Variants in R3HDM4 observed in about 807,000 individuals in gnomAD.
R3HDM4 encodes R3H domain-containing protein 4.
A neutral mutation model predicts 31.3 loss-of-function variants in R3HDM4; 30 were observed. The observed-to-expected ratio is 0.96, with a 90% CI of 0.72 to 1.30. R3HDM4 has a LOEUF of 1.30. Among genes scored for constraint, R3HDM4 ranks in the 50% most tolerant of loss-of-function variants. The pLI is 0.00. For synonymous variants in R3HDM4, 196 were observed against 156.6 expected (o/e 1.25, Z -1.88); for missense variants, 444 against 366.1 (o/e 1.21, Z -1.74).
In R3HDM4 at chr19:899,227, C is replaced by T. The variant is rs944724466; in HGVS notation, c.703+213G>A. 8.5e-5 allele frequency among the ~76,000 whole-genome samples: 13 copies of T among 152,108 alleles called. No homozygotes were observed. The highest frequency in any genetic ancestry group is 1.6e-4 in the Non-Finnish European group (11 of 68,018). On this transcript the variant is annotated intron_variant, in intron 7 of 7. Transcript: ENST00000361574. The surrounding 1 kb of genome is among the most constrained non-coding windows in gnomAD (Gnocchi z 6.8). ...GTGTCCAGCAGCCTGGTTGTGTCTG[C>T]GGTCACCCTGCGTGGGGCCGCATAT...
At chr19:901,380 G>A (rs750005364) in intron 3 of R3HDM4, 42 bp downstream of exon 3, 20 of 1,581,302 alleles carry the variant, frequency 1.3e-5, no homozygotes, top group South Asian at 2.3e-5. Context: ...GAGAACTGCC[G>A]GGGTCCCCGT....
At chr19:900,772 G>T in intron 4 of R3HDM4, 57 bp downstream of exon 4, 1 of 247,764 alleles carries the variant, frequency 4.0e-6, no homozygotes, top group Non-Finnish European at 5.7e-6. Flanking sequence ...CCCACCCCAG[G>T]CCACGCCCCC....
chr19:908,043 T>G (rs1177260356), intron 1 of R3HDM4, among the ~76,000 whole-genome samples: 2 of 150,830 alleles, frequency 1.3e-5, no homozygotes, highest in Non-Finnish European at 3.0e-5. Context: ...AATACAAAAA[T>G]TAGCCAGGAG....
chr19:912,757 G>A (rs1453666509), intron 1 of R3HDM4, among the ~76,000 whole-genome samples: 2 of 142,408 alleles, frequency 1.4e-5, no homozygotes, highest in Non-Finnish European at 3.1e-5. Flanking sequence ...CGCGGACCGG[G>A]GATTAGGGGG....
At chr19:910,805 T>C (rs2036961601) in intron 1 of R3HDM4, among the ~76,000 whole-genome samples, 1 of 151,368 alleles carries the variant, frequency 6.6e-6, no homozygotes, top group Non-Finnish European at 1.5e-5. Context: ...ATAATAACGA[T>C]GATAGTAATA....
chr19:898,071 C>T (rs2036763820), intron 7 of R3HDM4, among the ~76,000 whole-genome samples: 1 of 151,994 alleles, frequency 6.6e-6, no homozygotes, highest in Admixed American at 6.6e-5. Context: ...AGGTCGAGAC[C>T]AGCCTGACCA....
chr19:903,010 A>G (rs1365508922), intron 1 of R3HDM4, among the ~76,000 whole-genome samples: 1 of 152,206 alleles, frequency 6.6e-6, no homozygotes, highest in Non-Finnish European at 1.5e-5. Flanking sequence ...ACACTTGCCC[A>G]AAGTCACACA....
In R3HDM4 at chr19:900,907, C is replaced by T. The variant is rs147889540; in HGVS notation, c.397G>A (p.Val133Ile). ...MNRSGEEQER[V>I]LRYLEDEGRS... ...CCCTCATCCTCCAGGTAGCGAAGAA[C>T]CCGCTCCTGCTCCTCCCCGGAGCGG... Residue 133 changes from valine (V) to isoleucine (I), a missense_variant, in exon 4 of 8, where the codon GTT (valine) becomes ATT (isoleucine). Transcript: ENST00000361574. 64 of 1,606,926 alleles carry T rather than the reference C, an allele frequency of 4.0e-5. No homozygotes were observed. In the African/African-American group the frequency reaches 7.5e-4, roughly 19 times the overall value.
In R3HDM4 at chr19:897,558, G is replaced by A. The variant is rs544346803; in HGVS notation, c.704-18C>T. ...GTCAGCACCTGCAGACGGGACCAGC[G>A]GGGCAAGAACGGGAGGAATTTGGGA... is the stretch of plus-strand genomic sequence containing the variant. On this transcript the variant is annotated intron_variant, in intron 7 of 7. Transcript: ENST00000361574. The A allele has an allele frequency of 2.9e-5, 47 of 1,594,106 alleles. No individual in the cohort carries two copies. Among genetic ancestry groups the A allele is most frequent in the South Asian group, 2.8e-4 (25 of 89,128 alleles).
chr19:900,089 G>C lies in R3HDM4; in HGVS notation c.533C>G (p.Ala178Gly). The change falls in exon 5 of 8, where the codon GCC (alanine) becomes GGC (glycine). Residue 178 changes from alanine to glycine, a missense_variant. Coordinates refer to ENST00000361574, the MANE Select transcript of R3HDM4 (RefSeq NM_138774.4). ...CFQRISRRLR[A>G]VLKRSRIPME... ...GGGGATGCGGCTGCGCTTGAGGACG[G>C]CTCGCAGACGCCGGCTGATGCGCTG... 1.2e-6 allele frequency: 2 copies of C among 1,609,668 alleles called. No homozygotes were observed. The highest frequency in any genetic ancestry group is 1.7e-6 in the Non-Finnish European group (2 of 1,178,386).
rs1480519048 is a variant in R3HDM4, at chr19:907,166, A to G, written c.72-5036T>C. On this transcript the variant is annotated intron_variant, in intron 1 of 7. Transcript: ENST00000361574. This position sits in a 1 kb window ranked among gnomAD's most constrained non-coding sequence, Gnocchi z 4.1. Reference sequence around the variant, plus strand: ...GCACAAAGTCACCGCCCAAGCTCCCATTGCTGCAAAGAGGGCAGCTGGAGA... The same window carrying G: ...GCACAAAGTCACCGCCCAAGCTCCCGTTGCTGCAAAGAGGGCAGCTGGAGA... 6.6e-6 allele frequency among the ~76,000 whole-genome samples: 1 copy of G among 152,172 alleles called. No homozygotes were observed. Among genetic ancestry groups the G allele is most frequent in the Non-Finnish European group, 1.5e-5 (1 of 68,034 alleles).
chr19:902,830 TACTC>T (rs2036854476), intron 1 of R3HDM4, among the ~76,000 whole-genome samples: 4 of 151,930 alleles, frequency 2.6e-5, no homozygotes, highest in Non-Finnish European at 4.4e-5. Context: ...AATCTCAGCT[TACTC>T]AGGAGGCTGA....
chr19:911,146 AAT>A (rs1484941584), intron 1 of R3HDM4, among the ~76,000 whole-genome samples: 1 of 148,122 alleles, frequency 6.8e-6, no homozygotes, highest in Non-Finnish European at 1.5e-5. Context: ...TAAATAAATA[AAT>A]ACAAATAATA....
In R3HDM4 at chr19:902,369, G is replaced by A; in HGVS notation, c.72-239C>T. The stretch of plus-strand genomic sequence containing the variant: ...TCATGCCGGTGATCCCAGCATTGTG[G>A]GAGGCTGAGGCCGGTGGATCACTTG... On this transcript the variant is annotated intron_variant, in intron 1 of 7. Coordinates refer to ENST00000361574, the MANE Select transcript of R3HDM4 (RefSeq NM_138774.4). The A allele has an allele frequency of 5.7e-6, 3 of 522,582 alleles. No homozygotes were observed. In the South Asian group the frequency reaches 7.3e-5, roughly 13 times the overall value. The allele number at this position is 522,582 out of a possible 1,614,324, so 32.4% of individuals were successfully genotyped here.
intron 1 of R3HDM4, among the ~76,000 whole-genome samples, chr19:904,029 C>A (rs113478016): frequency 1.3e-5 from 2 of 152,062 alleles, no homozygotes; most frequent in African/African-American, 4.8e-5. Flanking sequence ...CCAGCCTGGA[C>A]GACAGAGCGA....
rs149691164 is a variant in R3HDM4, at chr19:904,966, G to A, written c.72-2836C>T. The stretch of plus-strand genomic sequence containing the variant: ...TCACACCTGTGTTCCCAGCACTTTG[G>A]GAGGCCAAGGTAGGTGGATCACTTG... On this transcript the variant is annotated intron_variant, in intron 1 of 7. Transcript: ENST00000361574. Among the ~76,000 whole-genome samples, 6 of 152,090 alleles carry A rather than the reference G, an allele frequency of 3.9e-5. No homozygotes were observed. The East Asian group carries it at 1.2e-3, about 29-fold the overall frequency.
At chr19:908,294 A>G (rs2036931112) in intron 1 of R3HDM4, among the ~76,000 whole-genome samples, 1 of 152,060 alleles carries the variant, frequency 6.6e-6, no homozygotes. Context: ...AATGGAAGGA[A>G]CAGGAAGACC....
chr19:911,692 C>A (rs1447059694), intron 1 of R3HDM4, among the ~76,000 whole-genome samples: 1 of 152,126 alleles, frequency 6.6e-6, no homozygotes, highest in Non-Finnish European at 1.5e-5. Flanking sequence ...CGCCTCCTCG[C>A]CCTCCACCAA....
chr19:899,565 C>CTGGGAGGG lies in R3HDM4; in HGVS notation c.647+35_647+36insCCCTCCCA. ...GGGTGTCCGCCCACCTGGCCGCAGCCTCGGAGGGTCCGCTCGCCTGGCCGC... is the reference window on the plus strand; with the variant it reads ...GGGTGTCCGCCCACCTGGCCGCAGCCTGGGAGGGTCGGAGGGTCCGCTCGCCTGGCCGC... On this transcript the variant is annotated intron_variant, in intron 6 of 7. Coordinates refer to ENST00000361574, the MANE Select transcript of R3HDM4 (RefSeq NM_138774.4). The surrounding 1 kb of genome is among the most constrained non-coding windows in gnomAD (Gnocchi z 6.8). 1 of 1,612,558 alleles carries CTGGGAGGG rather than the reference C, an allele frequency of 6.2e-7. No homozygotes were observed. The highest frequency in any genetic ancestry group is 8.5e-7 in the Non-Finnish European group (1 of 1,179,406).
Sources: allele counts gnomAD v4.1 joint callset (sites outside exome capture counted in the v4.1 genomes callset), GRCh38; gene constraint gnomAD v4.1.1; non-coding constraint Gnocchi (gnomAD v3.1); transcripts MANE v1.5; gene names NCBI Gene and HGNC (gene_info 2026-07-23, HGNC 2026-07-21).